The following MICU1 variants were observed in gnomAD, a reference collection of about 807,000 sequenced individuals.
The protein encoded by MICU1 is mitochondrial calcium uptake 1, also known as calcium uptake protein 1, mitochondrial.
A neutral mutation model predicts 56.8 loss-of-function variants in MICU1; 45 were observed. The ratio of observed to expected loss-of-function variants is 0.79; its 90% CI spans 0.62 to 1.02. The LOEUF is 1.02. Ranked by LOEUF, MICU1 falls within the 50% of genes least tolerant of loss-of-function variation. The pLI is 0.00. For missense variants in MICU1, 504 were observed against 587.1 expected, an observed-to-expected ratio of 0.86 and a Z score of 1.46; for synonymous variants, 186 against 195.1, an observed-to-expected ratio of 0.95 and a Z score of 0.39.
At chr10:72,463,089 G>A (rs11000313) in intron 8 of MICU1, among the ~76,000 whole-genome samples, 70,369 of 150,810 alleles carry the variant, frequency 0.47, 20,190 homozygotes, top group Non-Finnish European at 0.67. Flanking sequence ...TTTTTGAGAC[G>A]GAGTTTCGCT....
chr10:72,406,218 A>C (rs1350379036), intron 10 of MICU1, among the ~76,000 whole-genome samples: 2 of 152,146 alleles, frequency 1.3e-5, no homozygotes, highest in Non-Finnish European at 2.9e-5. Flanking sequence ...AATAAAACCA[A>C]TTCCATTTAT....
At chr10:72,623,230 C>T (rs1336568361) in intron 1 of MICU1, among the ~76,000 whole-genome samples, 1 of 128,886 alleles carries the variant, frequency 7.8e-6, no homozygotes, top group Non-Finnish European at 1.6e-5. Flanking sequence ...AAAATCGCGC[C>T]ATTGCACTGT....
At chr10:72,566,395 T>C (rs187130477) in intron 2 of MICU1, among the ~76,000 whole-genome samples, 81 of 152,244 alleles carry the variant, frequency 5.3e-4, no homozygotes, top group Non-Finnish European at 1.0e-3. Context: ...ATCCCATTAT[T>C]TAAAATGTTC....
At chr10:72,447,157 G>A (rs1865130914) in intron 8 of MICU1, among the ~76,000 whole-genome samples, 1 of 152,124 alleles carries the variant, frequency 6.6e-6, no homozygotes. Context: ...AAAGGTTTAC[G>A]GAAACAGGAG....
chr10:72,516,514 C>T (rs1168603332), intron 5 of MICU1, among the ~76,000 whole-genome samples: 1 of 152,102 alleles, frequency 6.6e-6, no homozygotes, highest in Non-Finnish European at 1.5e-5. Flanking sequence ...TTGTCCATGC[C>T]TATGTCCTGA....
chr10:72,566,039 CTTTTTTTTTTTTT>C (rs11376019), intron 2 of MICU1, among the ~76,000 whole-genome samples: 2 of 69,838 alleles, frequency 2.9e-5, no homozygotes, highest in Non-Finnish European at 5.2e-5. Flanking sequence ...CATTCATTTT[CTTTTTTTTTTTTT>C]TTTTTTTTTT....
intron 10 of MICU1, among the ~76,000 whole-genome samples, chr10:72,389,028 A>G (rs1862983018): frequency 6.6e-6 from 1 of 152,254 alleles, no homozygotes; most frequent in African/African-American, 2.4e-5. Flanking sequence ...TAAAGCACTA[A>G]GCATTGTGCC....
intron 3 of MICU1, among the ~76,000 whole-genome samples, chr10:72,559,351 A>G (rs1258036837): frequency 1.3e-5 from 2 of 152,124 alleles, no homozygotes; most frequent in Admixed American, 1.3e-4. Flanking sequence ...AAGTAAATGC[A>G]ATATTAAAAC....
At position 72,369,783 on chromosome 10, in the gene MICU1, A is replaced by T. The variant is rs1303318607; in HGVS notation, c.1271-1428T>A. 2.6e-5 allele frequency among the ~76,000 whole-genome samples: 4 copies of T among 151,906 alleles called. No individual in the cohort carries two copies. In the East Asian group the frequency reaches 7.7e-4, roughly 29 times the overall value. ...GAGTGCAGTGGCGCGATCTCAGCTC[A>T]CTGCAACCTCCGCCTCCCAGGTTCA... On this transcript the variant is annotated intron_variant, in intron 11 of 11. Coordinates refer to ENST00000361114, the MANE Select transcript of MICU1 (RefSeq NM_001195518.2).
In MICU1 at chr10:72,423,219, G is replaced by A. The variant is rs754622273; in HGVS notation, c.1071+15C>T. ...TACCACGGTTTCTCTTCTTCCTCCAGCCAAAGCTACCTACCTTTCCTTCTT... is the reference window on the plus strand; with the variant it reads ...TACCACGGTTTCTCTTCTTCCTCCAACCAAAGCTACCTACCTTTCCTTCTT... On this transcript the variant is annotated intron_variant, in intron 9 of 11. Transcript: ENST00000361114. 12 of 1,608,904 alleles carry A rather than the reference G, an allele frequency of 7.5e-6. No individual in the cohort carries two copies. The highest frequency in any genetic ancestry group is 5.1e-5 in the Admixed American group (3 of 58,880).
At chr10:72,568,927 T>G (rs1246031258) in intron 1 of MICU1, among the ~76,000 whole-genome samples, 1 of 150,448 alleles carries the variant, frequency 6.6e-6, no homozygotes, top group Non-Finnish European at 1.5e-5. Flanking sequence ...CTAATTTTTG[T>G]TTTTTTAGTA....
chr10:72,468,895 A>C (rs139436179), intron 8 of MICU1, among the ~76,000 whole-genome samples: 79 of 152,342 alleles, frequency 5.2e-4, no homozygotes, highest in African/African-American at 1.6e-3. Context: ...CAAATAAATC[A>C]GGTACAGAAA....
At chr10:72,610,655 A>G (rs1295450725) in intron 1 of MICU1, among the ~76,000 whole-genome samples, 1 of 152,184 alleles carries the variant, frequency 6.6e-6, no homozygotes, top group African/African-American at 2.4e-5. Context: ...GAATACAACT[A>G]TTACCAACTG....
At chr10:72,529,946 CTTTTTT>C (rs11338457) in intron 5 of MICU1, among the ~76,000 whole-genome samples, 1 of 100,800 alleles carries the variant, frequency 9.9e-6, no homozygotes, top group Non-Finnish European at 1.9e-5. Flanking sequence ...GGGGAAGGTG[CTTTTTT>C]TTTTTTTTTT....
intron 1 of MICU1, among the ~76,000 whole-genome samples, chr10:72,625,207 G>C (rs369421260): frequency 1.3e-5 from 2 of 149,502 alleles, no homozygotes; most frequent in East Asian, 3.8e-4. Context: ...GGTACCACAG[G>C]AAAAATAAAA....
At chr10:72,516,250 C>T (rs1867641867) in intron 5 of MICU1, among the ~76,000 whole-genome samples, 1 of 152,090 alleles carries the variant, frequency 6.6e-6, no homozygotes, top group Admixed American at 6.6e-5. Flanking sequence ...TGAGAAGTGT[C>T]TGTTCATATC....
At chr10:72,420,848 G>C (rs140697078) in intron 9 of MICU1, among the ~76,000 whole-genome samples, 3 of 150,170 alleles carry the variant, frequency 2.0e-5, no homozygotes, top group Non-Finnish European at 4.4e-5. Flanking sequence ...GCTAGTTTTT[G>C]TATTTTTTGT....
intron 5 of MICU1, among the ~76,000 whole-genome samples, chr10:72,517,856 T>A (rs564370023): frequency 4.1e-4 from 62 of 152,138 alleles, no homozygotes; most frequent in Admixed American, 1.0e-3. Context: ...TTTAATCTTT[T>A]ACTAAATTTT....
rs573383291 is a variant in MICU1, at chr10:72,449,876, G to C, written c.933+25224C>G. ...TGGAGAAGACAGAATTGTTGAAAGCGGGGCTGATACCCCAGAATGTGCCTA... is the reference window on the plus strand; with the variant it reads ...TGGAGAAGACAGAATTGTTGAAAGCCGGGCTGATACCCCAGAATGTGCCTA... On this transcript the variant is annotated intron_variant, in intron 8 of 11. Transcript: ENST00000361114. Among the ~76,000 whole-genome samples the C allele has an allele frequency of 2.6e-5, 4 of 152,230 alleles. No individual in the cohort carries two copies. The East Asian group carries it at 7.7e-4, about 29-fold the overall frequency.
Sources: gnomAD v4.1 joint callset for allele counts (sites outside exome capture counted in the v4.1 genomes callset) on GRCh38, gnomAD v4.1.1 for gene constraint, MANE v1.5 for transcripts, NCBI Gene and HGNC (gene_info 2026-07-23, HGNC 2026-07-21) for gene names.